The following TMOD1 variants were observed in gnomAD, a reference collection of about 807,000 sequenced individuals.
TMOD1 encodes tropomodulin-1.
In TMOD1, 17 loss-of-function variants were observed where a neutral mutation model predicts 40.6. The observed-to-expected ratio is 0.42, with a 90% CI of 0.29 to 0.63. TMOD1 has a LOEUF of 0.63. TMOD1 is among the 20% of genes least tolerant of loss of function. TMOD1 has a pLI of 0.22. For synonymous variants in TMOD1, 181 were observed against 175.0 expected, an observed-to-expected ratio of 1.03 and a Z score of -0.27; for missense variants, 391 against 447.6, an observed-to-expected ratio of 0.87 and a Z score of 1.14.
chr9:97,587,139 T>G (rs2131288460), intron 8 of TMOD1, among the ~76,000 whole-genome samples: 1 of 152,350 alleles, frequency 6.6e-6, no homozygotes, highest in East Asian at 1.9e-4. Flanking sequence ...TACCAGGGTT[T>G]GTTTGACCAC....
chr9:97,508,176 C>G (rs1441520232), intron 1 of TMOD1, among the ~76,000 whole-genome samples: 1 of 151,194 alleles, frequency 6.6e-6, no homozygotes, highest in African/African-American at 2.4e-5. Flanking sequence ...TCTCAGGTAA[C>G]TTTTAACATT....
At chr9:97,543,540 C>A (rs1256403946) in intron 2 of TMOD1, among the ~76,000 whole-genome samples, 1 of 152,216 alleles carries the variant, frequency 6.6e-6, no homozygotes, top group Non-Finnish European at 1.5e-5. Context: ...TCTCATTATT[C>A]ACATTTTACA....
At chr9:97,541,134 T>G (rs1236324149) in intron 2 of TMOD1, among the ~76,000 whole-genome samples, 3 of 152,204 alleles carry the variant, frequency 2.0e-5, no homozygotes, top group Non-Finnish European at 4.4e-5. Flanking sequence ...GCCATTTTTA[T>G]ATAATCTTTG....
chr9:97,520,613 A>G (rs1829899811), intron 1 of TMOD1, among the ~76,000 whole-genome samples: 1 of 152,188 alleles, frequency 6.6e-6, no homozygotes, highest in South Asian at 2.1e-4. Context: ...GTTGTGCCTC[A>G]TCACTCCATA....
chr9:97,570,557 G>A (rs1006803192), intron 8 of TMOD1, among the ~76,000 whole-genome samples: 1 of 151,678 alleles, frequency 6.6e-6, no homozygotes, highest in South Asian at 2.1e-4. Flanking sequence ...GGTTACTACT[G>A]TCTTCTCCCA....
intron 4 of TMOD1, among the ~76,000 whole-genome samples, chr9:97,561,909 G>A (rs1830646150): frequency 6.6e-6 from 1 of 152,076 alleles, no homozygotes; most frequent in Non-Finnish European, 1.5e-5. Flanking sequence ...CCTCTTTTAT[G>A]CTGTCTTAGG....
chr9:97,541,938 C>T (rs981475807), intron 2 of TMOD1, among the ~76,000 whole-genome samples: 2 of 152,190 alleles, frequency 1.3e-5, no homozygotes, highest in Non-Finnish European at 2.9e-5. Context: ...TGTGGTTTGT[C>T]TTCTCACTAG....
At chr9:97,508,700 G>C (rs1243885246) in intron 1 of TMOD1, among the ~76,000 whole-genome samples, 1 of 152,152 alleles carries the variant, frequency 6.6e-6, no homozygotes, top group Non-Finnish European at 1.5e-5. Context: ...CCACTTATTA[G>C]CTTTGTGACC....
At chr9:97,576,570 T>C (rs1275792113) in intron 8 of TMOD1, among the ~76,000 whole-genome samples, 2 of 151,956 alleles carry the variant, frequency 1.3e-5, no homozygotes, top group African/African-American at 4.8e-5. Context: ...AACAAATCCC[T>C]GTACATTTCT....
intron 1 of TMOD1, among the ~76,000 whole-genome samples, chr9:97,515,215 C>A (rs200485363): frequency 4.1e-3 from 463 of 112,610 alleles, no homozygotes; most frequent in African/African-American, 0.012. Flanking sequence ...AAAAAAAAAA[C>A]AAACCACCAT....
At chr9:97,528,455 G>C (rs7047445) in intron 2 of TMOD1, among the ~76,000 whole-genome samples, 115,368 of 152,116 alleles carry the variant, frequency 0.76, 43,894 homozygotes, top group Middle Eastern at 0.84. Flanking sequence ...AGAGAAACCA[G>C]AGAGAGGATA....
rs150605955 is a variant in TMOD1, at chr9:97,599,051, C to T, written c.1016-583C>T. ...TTAAGCTAACGTCTCCAGCCTGCAACCTCCTGGCTAGTGCTTTCCTCTTCA... is the reference window on the plus strand; with the variant it reads ...TTAAGCTAACGTCTCCAGCCTGCAATCTCCTGGCTAGTGCTTTCCTCTTCA... On this transcript the variant is annotated intron_variant, in intron 9 of 9. Coordinates refer to ENST00000259365, the MANE Select transcript of TMOD1 (RefSeq NM_003275.4). Among the ~76,000 whole-genome samples, 7 of 152,348 alleles carry T rather than the reference C, an allele frequency of 4.6e-5. No individual in the cohort carries two copies. The East Asian group carries it at 1.3e-3, about 29-fold the overall frequency.
intron 9 of TMOD1, among the ~76,000 whole-genome samples, chr9:97,593,899 C>A (rs78924160): frequency 6.6e-6 from 1 of 151,784 alleles, no homozygotes; most frequent in Non-Finnish European, 1.5e-5. Flanking sequence ...GGAGTTAGAC[C>A]TAGGAGGAAA....
At chr9:97,525,079 CA>C (rs1467267605) in intron 2 of TMOD1, among the ~76,000 whole-genome samples, 1 of 150,092 alleles carries the variant, frequency 6.7e-6, no homozygotes, top group Non-Finnish European at 1.5e-5. Context: ...ACTTAATTTC[CA>C]AATAAAGACA....
intron 8 of TMOD1, among the ~76,000 whole-genome samples, chr9:97,584,717 A>G (rs1825831416): frequency 6.6e-6 from 1 of 151,928 alleles, no homozygotes; most frequent in South Asian, 2.1e-4. Flanking sequence ...TAGGATAGTT[A>G]GCTCTTCTTG....
chr9:97,512,894 A>G (rs1019038186), intron 1 of TMOD1: 1 of 152,126 alleles, frequency 6.6e-6, no homozygotes, highest in Non-Finnish European at 1.5e-5. Context: ...ATGTGGGAAA[A>G]TTACATGAGT....
intron 1 of TMOD1, among the ~76,000 whole-genome samples, chr9:97,511,577 T>C (rs1829700055): frequency 1.3e-5 from 2 of 152,140 alleles, no homozygotes; most frequent in Admixed American, 6.5e-5. Flanking sequence ...GGGCAGTTTT[T>C]GTTTGTTTGC....
intron 4 of TMOD1, among the ~76,000 whole-genome samples, chr9:97,558,486 C>T (rs548177326): frequency 2.6e-5 from 4 of 152,292 alleles, no homozygotes; most frequent in Non-Finnish European, 4.4e-5. Context: ...CTCTGTTGCC[C>T]AGGCTGGAGT....
In TMOD1 at chr9:97,553,400, G is replaced by C; in HGVS notation, c.397G>C (p.Ala133Pro). Residue 133 changes from alanine to proline, a missense_variant and splice_region_variant, in exon 4 of 10, where the codon GCG (alanine) becomes CCG (proline). Transcript: ENST00000259365. ...AGATGCAGAACTCTGTGACATTGCA[G>C]GTAAGAGGCGTTCCAGGAGCTTTCC... ...ASDAELCDIA[A>P]ILGMHTLMSN... 6.2e-7 allele frequency: 1 copy of C among 1,614,174 alleles called. No individual in the cohort carries two copies. Among genetic ancestry groups the C allele is most frequent in the Non-Finnish European group, 8.5e-7 (1 of 1,180,008 alleles).
Sources: allele counts gnomAD v4.1 joint callset (sites outside exome capture counted in the v4.1 genomes callset), GRCh38; gene constraint gnomAD v4.1.1; transcripts MANE v1.5; gene names NCBI Gene and HGNC (gene_info 2026-07-23, HGNC 2026-07-21).